NRG4: variants seen among roughly 807,000 people sequenced by gnomAD.
NRG4 encodes the protein pro-neuregulin-4, membrane-bound isoform.
Under a neutral mutation model 15.0 loss-of-function variants are expected in NRG4, and 10 were observed. The ratio of observed to expected loss-of-function variants is 0.67; its 90% confidence interval spans 0.41 to 1.13. NRG4 has a LOEUF of 1.13. Ranked by LOEUF, NRG4 falls within the 50% of genes most tolerant of loss-of-function variation. The pLI is 0.00. For synonymous variants in NRG4, 41 were observed against 50.1 expected, an observed-to-expected ratio of 0.82 and a Z score of 0.77; for missense variants, 139 against 140.2, an observed-to-expected ratio of 0.99 and a Z score of 0.04.
rs1205134510 is a variant in NRG4, at chr15:75,941,556, G to A, written c.*2082C>T. 6.6e-6 allele frequency: 1 copy of A among 152,126 alleles called. No homozygotes were observed. The highest frequency in any genetic ancestry group is 1.5e-5 in the Non-Finnish European group (1 of 68,014). 9.4% of individuals were successfully genotyped at this position (152,126 alleles called of 1,614,324 possible). The stretch of plus-strand genomic sequence containing the variant: ...CAACAGATGAATGGATAGACAAAAT[G>A]TGTTATATCCATACAATGGAATATT... On this transcript the variant is annotated 3_prime_UTR_variant, in exon 6 of 6. Transcript: ENST00000394907.
In NRG4 at chr15:75,977,529, TC is replaced by T. The variant is rs749761980; in HGVS notation, c.105-15556del. Among the ~76,000 whole-genome samples, 2 of 152,186 alleles carry T rather than the reference TC, an allele frequency of 1.3e-5. No individual in the cohort carries two copies. The highest frequency in any genetic ancestry group is 2.9e-5 in the Non-Finnish European group (2 of 68,026). Reference sequence around the variant, plus strand: ...TAGCATCTGGGCCAGAATGCACCATTCCTCACAGTCCCTTGGCACTTCCCTT... The same window carrying T: ...TAGCATCTGGGCCAGAATGCACCATTCTCACAGTCCCTTGGCACTTCCCTT... On this transcript the variant is annotated intron_variant, in intron 3 of 5. Transcript: ENST00000394907. The surrounding 1 kb of genome is among the most constrained non-coding windows in gnomAD (Gnocchi z 4.9).
intron 5 of NRG4, among the ~76,000 whole-genome samples, chr15:75,952,747 C>T (rs1389896730): frequency 3.3e-5 from 5 of 151,990 alleles, no homozygotes; most frequent in Non-Finnish European, 7.4e-5. Flanking sequence ...TCGTCATTTC[C>T]TGATGGCTAA....
intron 3 of NRG4, among the ~76,000 whole-genome samples, chr15:75,970,359 T>G (rs1391783368): frequency 6.6e-6 from 1 of 152,260 alleles, no homozygotes; most frequent in Non-Finnish European, 1.5e-5. Context: ...TTTTCATATA[T>G]TCTATGTTTG....
chr15:75,978,767 G>T (rs1016985154), intron 3 of NRG4, among the ~76,000 whole-genome samples: 3 of 152,044 alleles, frequency 2.0e-5, no homozygotes, highest in African/African-American at 7.2e-5. Flanking sequence ...TTGTAGTTTT[G>T]ATTTACATTT....
intron 3 of NRG4, chr15:75,969,282 G>A: frequency 2.2e-6 from 1 of 452,940 alleles, no homozygotes; most frequent in South Asian, 1.6e-5. Context: ...TACTCTGCGT[G>A]GTATTCCTAC....
At chr15:75,958,223 A>G (rs1477274486) in intron 4 of NRG4, among the ~76,000 whole-genome samples, 1 of 152,162 alleles carries the variant, frequency 6.6e-6, no homozygotes, top group African/African-American at 2.4e-5. Flanking sequence ...CATGTTAGCC[A>G]GGATGGTCTC....
At chr15:75,961,240 G>A (rs1403419067) in intron 4 of NRG4, among the ~76,000 whole-genome samples, 1 of 151,336 alleles carries the variant, frequency 6.6e-6, no homozygotes, top group Admixed American at 6.6e-5. Context: ...CAAAACGAAT[G>A]AAAGTAATCT....
At chr15:76,059,813 G>C (rs920509506), upstream of NRG4, 10 of 146,578 alleles carry the variant, frequency 6.8e-5, no homozygotes, top group Admixed American at 6.1e-4. Context: ...CGCGCGCGCG[G>C]CCGGCGGGAG....
intron 4 of NRG4, among the ~76,000 whole-genome samples, chr15:76,048,871 C>G (rs968184372): frequency 2.0e-5 from 3 of 150,366 alleles, no homozygotes; most frequent in Non-Finnish European, 4.4e-5. Context: ...ATAGTAAAAC[C>G]CCGTCTCTAA....
Position 75,961,919 on chromosome 15 carries a change from T to C in NRG4, c.160A>G (p.Ser54Gly), listed in dbSNP as rs773942415. Reference protein sequence around the residue: ...RCEEVFLPGSSIQTKSNLFEA... With the variant: ...RCEEVFLPGSGIQTKSNLFEA... ...AACAGGTTACTTTTAGTTTGGATGC[T>C]GGAGCCTGGGAGAAAAACCTCTTCA... is the stretch of plus-strand genomic sequence containing the variant. The change falls in exon 4 of 6, where the codon AGC becomes GGC. Residue 54 changes from serine (S) to glycine (G), a missense_variant. Coordinates refer to ENST00000394907, the MANE Select transcript of NRG4 (RefSeq NM_138573.4). 9.3e-6 allele frequency: 15 copies of C among 1,613,732 alleles called. No individual in the cohort carries two copies. The highest frequency in any genetic ancestry group is 4.5e-5 in the East Asian group (2 of 44,854).
chr15:76,014,532 G>T (rs2141917414), upstream of NRG4, among the ~76,000 whole-genome samples: 1 of 152,260 alleles, frequency 6.6e-6, no homozygotes, highest in South Asian at 2.1e-4. Context: ...GAGGTGTAAG[G>T]AAGGGGTCCA....
intron 5 of NRG4, among the ~76,000 whole-genome samples, chr15:76,017,861 T>G (rs1043706393): frequency 7.2e-5 from 11 of 152,164 alleles, no homozygotes; most frequent in African/African-American, 2.4e-4. Context: ...TCCTGAATTT[T>G]AATGTTGGCC....
At chr15:76,018,396 T>C (rs547756078) in intron 5 of NRG4, among the ~76,000 whole-genome samples, 1 of 152,166 alleles carries the variant, frequency 6.6e-6, no homozygotes, top group African/African-American at 2.4e-5. Flanking sequence ...TCCTTTGGAG[T>C]AGAAGAGGCG....
In NRG4 at chr15:76,018,064, T is replaced by G. The variant is rs969045400; in HGVS notation, c.-56-6778A>C. Among the ~76,000 whole-genome samples, 6 of 152,312 alleles carry G rather than the reference T, an allele frequency of 3.9e-5. No individual in the cohort carries two copies. In the South Asian group the frequency reaches 1.2e-3, roughly 32 times the overall value. Reference sequence around the variant, plus strand: ...TCTCTAATCTTGTCTTCACACTTTATTTCATTAAGTTGATCTTCAATCTCT... The same window carrying G: ...TCTCTAATCTTGTCTTCACACTTTAGTTCATTAAGTTGATCTTCAATCTCT... On this transcript the variant is annotated intron_variant, in intron 5 of 8. Coordinates refer to the NRG4 transcript ENST00000563910.
intron 4 of NRG4, among the ~76,000 whole-genome samples, chr15:75,956,642 T>C (rs1196632438): frequency 6.6e-6 from 1 of 152,224 alleles, no homozygotes; most frequent in Non-Finnish European, 1.5e-5. Context: ...GTGTATTTTC[T>C]AAAAGCATAC....
At chr15:75,965,534 A>C (rs2141822235) in intron 3 of NRG4, among the ~76,000 whole-genome samples, 1 of 152,338 alleles carries the variant, frequency 6.6e-6, no homozygotes, top group South Asian at 2.1e-4. Flanking sequence ...GAACCTAGGG[A>C]AAGGCAAAGA....
chr15:76,058,033 G>A (rs1428799715), intron 1 of NRG4, among the ~76,000 whole-genome samples: 1 of 152,038 alleles, frequency 6.6e-6, no homozygotes, highest in African/African-American at 2.4e-5. Context: ...GTTAATTAGC[G>A]TTATAACTGG....
intron 5 of NRG4, among the ~76,000 whole-genome samples, chr15:76,020,131 G>C (rs553099699): frequency 6.6e-6 from 1 of 152,156 alleles, no homozygotes; most frequent in Non-Finnish European, 1.5e-5. Context: ...GTGTAAGATA[G>C]AGAACTTAAT....
chr15:76,038,732 C>T (rs547136151), intron 4 of NRG4, among the ~76,000 whole-genome samples: 6 of 152,296 alleles, frequency 3.9e-5, no homozygotes, highest in African/African-American at 1.4e-4. Context: ...TCACTAGATG[C>T]TGACTGTAGA....
Sources: gnomAD v4.1 joint callset for allele counts (sites outside exome capture counted in the v4.1 genomes callset) on GRCh38, gnomAD v4.1.1 for gene constraint, Gnocchi (gnomAD v3.1) non-coding constraint, MANE v1.5 for transcripts, NCBI Gene and HGNC (gene_info 2026-07-23, HGNC 2026-07-21) for gene names.